Variants in ZNF845 observed in about 807,000 individuals in gnomAD.
ZNF845 encodes the protein zinc finger protein 845.
A neutral mutation model predicts 76.1 loss-of-function variants in ZNF845; 59 were observed. That is an observed-to-expected ratio of 0.78 (90% CI 0.63 to 0.96). The LOEUF is 0.96. Among genes scored for constraint, ZNF845 ranks in the 40% least tolerant of loss-of-function variants. The pLI is 0.00. For synonymous variants in ZNF845, 361 were observed against 386.9 expected, an observed-to-expected ratio of 0.93 and a Z score of 0.78; for missense variants, 1,045 against 1,172.8, an observed-to-expected ratio of 0.89 and a Z score of 1.59.
At chr19:53,335,878 G>A (rs1346285662) in intron 1 of ZNF845, among the ~76,000 whole-genome samples, 3 of 152,110 alleles carry the variant, frequency 2.0e-5, no homozygotes, top group Non-Finnish European at 4.4e-5. Context: ...TGGGATTACA[G>A]GCATGAGCCA....
At chr19:53,345,024 A>G (rs1446386011) in intron 2 of ZNF845, among the ~76,000 whole-genome samples, 1 of 152,164 alleles carries the variant, frequency 6.6e-6, no homozygotes, top group Non-Finnish European at 1.5e-5. Context: ...GACCTCTTCA[A>G]AAGGTATAAG....
At chr19:53,347,002 G>T (rs2085301326) in intron 3 of ZNF845, among the ~76,000 whole-genome samples, 1 of 152,076 alleles carries the variant, frequency 6.6e-6, no homozygotes, top group African/African-American at 2.4e-5. Context: ...TCCTGCCTCA[G>T]TTTTCCGAGT....
intron 3 of ZNF845, 136 bp downstream of exon 3, chr19:53,345,768 G>T: frequency 6.6e-7 from 1 of 1,506,146 alleles, no homozygotes; most frequent in Non-Finnish European, 8.8e-7. Flanking sequence ...CTGCAATCTT[G>T]AATTCCTGGG....
rs1044379584 is a variant in ZNF845, at chr19:53,353,788, G to C, written c.*200G>C. 6.6e-7 allele frequency: 1 copy of C among 1,509,982 alleles called. No homozygotes were observed. Among genetic ancestry groups the C allele is most frequent in the African/African-American group, 1.4e-5 (1 of 71,628 alleles). The allele number at this position is 1,509,982 out of a possible 1,614,324, so 93.5% of individuals were successfully genotyped here. ...CTGAGTGTGGCAAAGCCTTTAGTGG[G>C]CAGTCAACACTTATTCACCATCAGG... On this transcript the variant is annotated 3_prime_UTR_variant, in exon 4 of 4. Coordinates refer to ENST00000458035, the MANE Select transcript of ZNF845 (RefSeq NM_138374.3).
intron 3 of ZNF845, 138 bp downstream of exon 3, chr19:53,345,770 A>G: frequency 6.6e-7 from 1 of 1,505,540 alleles, no homozygotes; most frequent in South Asian, 1.4e-5. Flanking sequence ...GCAATCTTGA[A>G]TTCCTGGGCT....
intron 2 of ZNF845, among the ~76,000 whole-genome samples, chr19:53,342,515 T>G (rs866111149): frequency 6.6e-6 from 1 of 152,192 alleles, no homozygotes; most frequent in African/African-American, 2.4e-5. Flanking sequence ...CTTAGACCCA[T>G]TGCCATAAAG....
Position 53,341,261 on chromosome 19 carries a change from G to C in ZNF845, c.-47G>C, listed in dbSNP as rs753770964. The C allele has an allele frequency of 1.9e-6, 3 of 1,612,296 alleles. No homozygotes were observed. The Admixed American group carries it at 5.0e-5, about 27-fold the overall frequency. Reference sequence around the variant, plus strand: ...ATTGACTTCTAAAGACTCTTGGTACGTGAGGAAGAAACCCGGAAGAGGAAG... The same window carrying C: ...ATTGACTTCTAAAGACTCTTGGTACCTGAGGAAGAAACCCGGAAGAGGAAG... On this transcript the variant is annotated 5_prime_UTR_variant, in exon 2 of 4. Coordinates refer to ENST00000458035, the MANE Select transcript of ZNF845 (RefSeq NM_138374.3).
rs2085345089 is a variant in ZNF845, at chr19:53,352,278, A to G, written c.1603A>G (p.Lys535Glu). The G allele has an allele frequency of 1.2e-6, 2 of 1,613,842 alleles. No individual in the cohort carries two copies. The highest frequency in any genetic ancestry group is 1.7e-6 in the Non-Finnish European group (2 of 1,179,924). ...TGAATGTGGCAAGACCTTTAGTCGG[A>G]AGTCATCCCTTACACGCCATTGTAG... The part of the protein sequence containing the change: ...CNECGKTFSR[K>E]SSLTRHCRLH... The change falls in exon 4 of 4, where the codon AAG becomes GAG. Residue 535 changes from lysine (K) to glutamate (E), a missense_variant. Physicochemically the swap from Lys to Glu is moderately conservative, Grantham distance 56. Coordinates refer to ENST00000458035, the MANE Select transcript of ZNF845 (RefSeq NM_138374.3).
chr19:53,354,186 G>GGCAA lies in ZNF845; in HGVS notation c.*600_*603dup, dbSNP rs1457852881. 1 of 694,694 alleles carries GGCAA rather than the reference G, an allele frequency of 1.4e-6. No homozygotes were observed. The highest frequency in any genetic ancestry group is 1.9e-5 in the African/African-American group (1 of 53,856). The allele number at this position is 694,694 out of a possible 1,614,324, so 43.0% of individuals were successfully genotyped here. On this transcript the variant is annotated 3_prime_UTR_variant, in exon 4 of 4. Coordinates refer to ENST00000458035, the MANE Select transcript of ZNF845 (RefSeq NM_138374.3). The stretch of plus-strand genomic sequence containing the variant: ...GAAATCTTACAAATGTCATCAGTGT[G>GGCAA]GCAAGGTCTTCAGTCTGAGATCACC...
intron 1 of ZNF845, among the ~76,000 whole-genome samples, chr19:53,336,244 G>A (rs1599965567): frequency 2.0e-5 from 3 of 149,974 alleles, no homozygotes; most frequent in African/African-American, 4.9e-5. Context: ...AAAGCTGGGC[G>A]TGGTGGCTCA....
chr19:53,353,592 T>C lies in ZNF845; in HGVS notation c.*4T>C, dbSNP rs182891493. ...TCATACTGGAAAGAAACATTAGAAA[T>C]ATGAAGAATGTGACAAAGTTTACAG... On this transcript the variant is annotated 3_prime_UTR_variant, in exon 4 of 4. Coordinates refer to ENST00000458035, the MANE Select transcript of ZNF845 (RefSeq NM_138374.3). 8 of 1,573,076 alleles carry C rather than the reference T, an allele frequency of 5.1e-6. No homozygotes were observed. In the African/African-American group the frequency reaches 1.1e-4, roughly 21 times the overall value.
In ZNF845 at chr19:53,351,442, G is replaced by A. The variant is rs772949975; in HGVS notation, c.767G>A (p.Arg256Gln). The A allele has an allele frequency of 1.1e-5, 17 of 1,614,060 alleles. No homozygotes were observed. Among genetic ancestry groups the A allele is most frequent in the Middle Eastern group, 1.6e-4 (1 of 6,084 alleles). The change falls in exon 4 of 4, where the codon CGA (arginine) becomes CAA (glutamine). Residue 256 changes from arginine (R) to glutamine (Q), a missense_variant. By Grantham distance (43) the Arg-to-Gln change is conservative (BLOSUM62 1). Coordinates refer to ENST00000458035, the MANE Select transcript of ZNF845 (RefSeq NM_138374.3). ...DVCGKVFNQK[R>Q]YLACHRRCHT... is the part of the protein sequence containing the mutation. The stretch of plus-strand genomic sequence containing the variant: ...TGTGGCAAGGTCTTTAATCAAAAGC[G>A]ATATCTTGCATGTCATCGTAGATGT...
chr19:53,349,019 G>C (rs927617758), intron 3 of ZNF845, among the ~76,000 whole-genome samples: 1 of 151,820 alleles, frequency 6.6e-6, no homozygotes, highest in Admixed American at 6.6e-5. Flanking sequence ...ACCATGCCCA[G>C]CTAATTTTTT....
At chr19:53,338,802 C>T (rs887957452) in intron 1 of ZNF845, among the ~76,000 whole-genome samples, 14 of 151,930 alleles carry the variant, frequency 9.2e-5, no homozygotes, top group East Asian at 1.9e-4. Flanking sequence ...AATGTGTGGC[C>T]GTGTGTGGTG....
intron 1 of ZNF845, among the ~76,000 whole-genome samples, chr19:53,336,141 G>A (rs1021986147): frequency 6.6e-6 from 1 of 151,430 alleles, no homozygotes; most frequent in Admixed American, 6.6e-5. Flanking sequence ...GAACCCAGGA[G>A]GCGGAGGTTG....
rs879468964 is a variant in ZNF845 at position 53,354,304 on chromosome 19, A to C, written c.*716A>C. Reference sequence around the variant, plus strand: ...TCAAGCATTAATTGGCATTAGAGTCAATTCAGCATTGACTTGAGTTTGAAT... The same window carrying C: ...TCAAGCATTAATTGGCATTAGAGTCCATTCAGCATTGACTTGAGTTTGAAT... On this transcript the variant is annotated 3_prime_UTR_variant, in exon 4 of 4. Transcript: ENST00000458035. 3 of 394,320 alleles carry C rather than the reference A, an allele frequency of 7.6e-6. No homozygotes were observed. In the Admixed American group the frequency reaches 1.0e-4, roughly 14 times the overall value. The allele number at this position is 394,320 out of a possible 1,614,324, so 24.4% of individuals were successfully genotyped here. A position where few individuals can be genotyped will look rare whatever the true frequency, so the allele number is the denominator to read the frequency against.
Position 53,355,591 on chromosome 19 carries a change from G to A in ZNF845, c.*2003G>A, listed in dbSNP as rs1276380850. ...ATTATGGGTGTGAGCCATGAGCCCG[G>A]CCCCAACAAATGTAATTTTACTTCT... On this transcript the variant is annotated 3_prime_UTR_variant, in exon 4 of 4. Transcript: ENST00000458035. 1.3e-5 allele frequency: 2 copies of A among 152,030 alleles called. No homozygotes were observed. The highest frequency in any genetic ancestry group is 2.4e-5 in the African/African-American group (1 of 41,392). 9.4% of individuals were successfully genotyped at this position (152,030 alleles called of 1,614,324 possible).
intron 1 of ZNF845, among the ~76,000 whole-genome samples, chr19:53,339,799 G>A (rs958198514): frequency 2.0e-5 from 3 of 152,272 alleles, no homozygotes; most frequent in African/African-American, 7.2e-5. Context: ...TATATGCCAG[G>A]GGACACAAAT....
At position 53,353,701 on chromosome 19, in the gene ZNF845, G is replaced by A. The variant is rs1038208472; in HGVS notation, c.*113G>A. The A allele has an allele frequency of 3.9e-6, 6 of 1,520,134 alleles. No homozygotes were observed. The highest frequency in any genetic ancestry group is 2.2e-5 in the Admixed American group (1 of 45,122). The allele number at this position is 1,520,134 out of a possible 1,614,324, so 94.2% of individuals were successfully genotyped here. ...TAAGAGTTTGTGACAAGAATCTTGG[G>A]CGTGATTCACACCTGGCCCAACAAA... On this transcript the variant is annotated 3_prime_UTR_variant, in exon 4 of 4. Transcript: ENST00000458035.
Sources: allele counts gnomAD v4.1 joint callset (sites outside exome capture counted in the v4.1 genomes callset), GRCh38; gene constraint gnomAD v4.1.1; transcripts MANE v1.5; gene names NCBI Gene and HGNC (gene_info 2026-07-23, HGNC 2026-07-21).